C1QTNF3: variants seen among roughly 807,000 people sequenced by gnomAD.
The protein encoded by C1QTNF3 is C1q and TNF related 3.
In C1QTNF3, 26 loss-of-function variants were observed where a neutral mutation model predicts 32.6. The ratio of observed to expected loss-of-function variants is 0.80; its 90% CI spans 0.58 to 1.11. The LOEUF is 1.11. C1QTNF3 is among the 50% of genes least tolerant of loss of function. The pLI is 0.00. For missense variants in C1QTNF3, 362 were observed against 398.2 expected (o/e 0.91, Z 0.77); for synonymous variants, 155 against 146.0 (o/e 1.06, Z -0.44).
the C1QTNF3 span, among the ~76,000 whole-genome samples, chr5:34,056,821 A>G: frequency 2.0e-5 from 3 of 152,090 alleles, no homozygotes; most frequent in Non-Finnish European, 4.4e-5. Flanking sequence ...TGACTTTTAC[A>G]TTCTAATGAA....
At chr5:34,194,304 TAA>T in the C1QTNF3 span, among the ~76,000 whole-genome samples, 172 of 152,216 alleles carry the variant, frequency 1.1e-3, no homozygotes, top group African/African-American at 3.8e-3. Context: ...AATTCCCTAG[TAA>T]AGTGTTGTAT....
At chr5:34,085,588 T>C in the C1QTNF3 span, among the ~76,000 whole-genome samples, 1 of 151,510 alleles carries the variant, frequency 6.6e-6, no homozygotes, top group African/African-American at 2.4e-5. Flanking sequence ...GTCAGGTAGC[T>C]TGATGTCTCC....
At chr5:34,212,656 GC>G in the C1QTNF3 span, among the ~76,000 whole-genome samples, 3,306 of 151,228 alleles carry the variant, frequency 0.022, 32 homozygotes, top group Middle Eastern at 0.041. Flanking sequence ...ATGAAAAAAT[GC>G]TCACCATCAC....
At chr5:34,162,911 G>T in the C1QTNF3 span, among the ~76,000 whole-genome samples, 1 of 152,172 alleles carries the variant, frequency 6.6e-6, no homozygotes, top group Non-Finnish European at 1.5e-5. Flanking sequence ...TTTCTTTGCA[G>T]CTGAAATTTC....
chr5:34,093,784 C>T, the C1QTNF3 span, among the ~76,000 whole-genome samples: 1 of 152,070 alleles, frequency 6.6e-6, no homozygotes, highest in Non-Finnish European at 1.5e-5. Context: ...TTTTTGCATA[C>T]TCACAAACCA....
chr5:34,218,688 A>T, the C1QTNF3 span, among the ~76,000 whole-genome samples: 15 of 152,234 alleles, frequency 9.9e-5, no homozygotes, highest in South Asian at 3.1e-3. Context: ...ACTCTTGTTT[A>T]TGCACTGATA....
chr5:34,139,604 A>C, the C1QTNF3 span, among the ~76,000 whole-genome samples: 2 of 151,648 alleles, frequency 1.3e-5, no homozygotes, highest in African/African-American at 4.8e-5. Flanking sequence ...TAGAAACAAT[A>C]TATTTTTTTT....
the C1QTNF3 span, chr5:34,158,781 T>A: frequency 1.3e-5 from 2 of 152,250 alleles, no homozygotes; most frequent in East Asian, 3.9e-4. Context: ...TCTAATTTAT[T>A]TGAATATTTT....
chr5:34,198,226 A>G, the C1QTNF3 span, among the ~76,000 whole-genome samples: 4 of 145,024 alleles, frequency 2.8e-5, no homozygotes, highest in Admixed American at 2.0e-4. Context: ...TGGGTAACAG[A>G]GCAAAACTCT....
At chr5:34,160,071 G>A in the C1QTNF3 span, among the ~76,000 whole-genome samples, 1 of 152,288 alleles carries the variant, frequency 6.6e-6, no homozygotes, top group East Asian at 1.9e-4. Flanking sequence ...AGGGTATAGA[G>A]TTCATTAGGT....
chr5:34,146,039 C>T, the C1QTNF3 span, among the ~76,000 whole-genome samples: 1 of 152,300 alleles, frequency 6.6e-6, no homozygotes, highest in South Asian at 2.1e-4. Flanking sequence ...GGTAAACTCA[C>T]AGCCAACATC....
At chr5:34,105,383 C>CT in the C1QTNF3 span, among the ~76,000 whole-genome samples, 14 of 151,960 alleles carry the variant, frequency 9.2e-5, no homozygotes, top group South Asian at 2.7e-3. Context: ...ATGTCGAGCC[C>CT]TTTTTTCTCA....
At chr5:34,211,552 C>A in the C1QTNF3 span, among the ~76,000 whole-genome samples, 1 of 120,888 alleles carries the variant, frequency 8.3e-6, no homozygotes, top group African/African-American at 3.1e-5. Flanking sequence ...TCCCCCCACC[C>A]CATAACAGTC....
the C1QTNF3 span, among the ~76,000 whole-genome samples, chr5:34,128,522 C>T: frequency 5.2e-3 from 786 of 152,330 alleles, 6 homozygotes; most frequent in Middle Eastern, 0.017. Flanking sequence ...TGAAAGCAAT[C>T]AAAGGGGCTG....
the C1QTNF3 span, among the ~76,000 whole-genome samples, chr5:34,051,420 A>G: frequency 6.6e-6 from 1 of 152,226 alleles, no homozygotes; most frequent in East Asian, 1.9e-4. Flanking sequence ...AAATAACAAT[A>G]TCATGATTAT....
chr5:34,065,570 G>A, the C1QTNF3 span, among the ~76,000 whole-genome samples: 1 of 152,108 alleles, frequency 6.6e-6, no homozygotes, highest in Non-Finnish European at 1.5e-5. Flanking sequence ...GGGAGACTGA[G>A]GCAGGAGAAT....
the C1QTNF3 span, among the ~76,000 whole-genome samples, chr5:34,049,901 T>C: frequency 6.6e-6 from 1 of 152,228 alleles, no homozygotes; most frequent in African/African-American, 2.4e-5. Flanking sequence ...CAAAGTCTAC[T>C]GATTTAAATA....
the C1QTNF3 span, among the ~76,000 whole-genome samples, chr5:34,073,206 A>C: frequency 6.6e-6 from 1 of 152,086 alleles, no homozygotes; most frequent in Non-Finnish European, 1.5e-5. Context: ...GGGCGCCTGT[A>C]GTCCCAGCTA....
the C1QTNF3 span, among the ~76,000 whole-genome samples, chr5:34,205,426 A>G: frequency 6.6e-6 from 1 of 152,134 alleles, no homozygotes; most frequent in African/African-American, 2.4e-5. Flanking sequence ...AGGGGATTGG[A>G]TTATGGGGGC....
Sources: allele counts gnomAD v4.1 joint callset (sites outside exome capture counted in the v4.1 genomes callset), GRCh38; gene constraint gnomAD v4.1.1; transcripts MANE v1.5; gene names NCBI Gene and HGNC (gene_info 2026-07-23, HGNC 2026-07-21).